NKIRAS2: variants seen among roughly 807,000 people sequenced by gnomAD.
NKIRAS2 encodes the protein NF-kappa-B inhibitor-interacting Ras-like protein 2.
Under a neutral mutation model 20.7 loss-of-function variants are expected in NKIRAS2, and 15 were observed. That is an observed-to-expected ratio of 0.73 (90% CI 0.49 to 1.12). The LOEUF (loss-of-function observed/expected upper bound fraction) is 1.12, where lower values mean the gene tolerates loss of function less well. Among genes scored for constraint, NKIRAS2 ranks in the 50% most tolerant of loss-of-function variants. NKIRAS2 has a pLI of 0.00. For synonymous variants in NKIRAS2, 116 were observed against 101.4 expected (o/e 1.14, Z -0.87); for missense variants, 196 against 249.6 (o/e 0.79, Z 1.45).
chr17:42,022,357 ATCTC>A, intron 2 of NKIRAS2, 38 bp from the exon 3 acceptor site: 1 of 1,535,890 alleles, frequency 6.5e-7, no homozygotes, highest in African/African-American at 1.4e-5. Flanking sequence ...CACATTTCCC[ATCTC>A]TCTCTCCACT....
In NKIRAS2 at chr17:42,021,540, C is replaced by T. The variant is rs375530584; in HGVS notation, c.-14-24C>T. On this transcript the variant is annotated intron_variant, in intron 1 of 3. Coordinates refer to ENST00000393885, the MANE Select transcript of NKIRAS2 (RefSeq NM_017595.6). The stretch of plus-strand genomic sequence containing the variant: ...GTTGATGCTTTCTTTCCTCACCTTA[C>T]CCAGCGTGCTTCTGTTCTTCAAGGT... 5.0e-6 allele frequency: 8 copies of T among 1,587,856 alleles called. No individual in the cohort carries two copies. In the African/African-American group the frequency reaches 1.1e-4, roughly 21 times the overall value.
chr17:42,019,929 G>C (rs1297606247), upstream of NKIRAS2: 1 of 152,304 alleles, frequency 6.6e-6, no homozygotes, highest in Non-Finnish European at 1.5e-5. Context: ...CGCGTCCAGG[G>C]AGTCTAGAAC....
chr17:42,023,286 A>C, intron 3 of NKIRAS2: 1 of 270,468 alleles, frequency 3.7e-6, no homozygotes, highest in Admixed American at 5.0e-5. Flanking sequence ...GGCGTAAGCC[A>C]CTGCATCTGG....
upstream of NKIRAS2, among the ~76,000 whole-genome samples, chr17:42,019,677 C>T (rs377412646): frequency 6.6e-6 from 1 of 152,302 alleles, no homozygotes; most frequent in East Asian, 1.9e-4. Flanking sequence ...TTTTGCTGTG[C>T]TCCACAGCAC....
rs2052479762 is a variant in NKIRAS2, at chr17:42,022,488, A to AC, written c.187dup (p.Arg63ProfsTer18). 6.2e-7 allele frequency: 1 copy of AC among 1,613,608 alleles called. No individual in the cohort carries two copies. The highest frequency in any genetic ancestry group is 1.7e-5 in the Admixed American group (1 of 59,952). On this transcript the variant is annotated frameshift_variant, in exon 3 of 4. Coordinates refer to ENST00000393885, the MANE Select transcript of NKIRAS2 (RefSeq NM_017595.6). LOFTEE classifies it high-confidence loss of function. ...GCGAGAGCAGGTGCGTTTCTATGACACCCGGGGGCTCCGAGATGGGGCCGA... is the reference window on the plus strand; with the variant it reads ...GCGAGAGCAGGTGCGTTTCTATGACACCCCGGGGGCTCCGAGATGGGGCCGA...
upstream of NKIRAS2, chr17:42,017,667 G>C (rs1598163648): frequency 1.7e-6 from 1 of 583,920 alleles, no homozygotes; most frequent in Non-Finnish European, 3.0e-6. Context: ...TGGGAAGGCG[G>C]GGTGTACCGG....
rs1426787124 is a variant in NKIRAS2, at chr17:42,024,844, G to A, written c.*951G>A. On this transcript the variant is annotated 3_prime_UTR_variant, in exon 4 of 4. Transcript: ENST00000393885. ...TCCTCTTCCTGCTCAGGGAGCAGAT[G>A]GGCCTCACTGGTTGAGATGGAATAG... The A allele has an allele frequency of 6.6e-6, 1 of 152,296 alleles. No homozygotes were observed. The highest frequency in any genetic ancestry group is 2.4e-5 in the African/African-American group (1 of 41,382). 9.4% of individuals were successfully genotyped at this position (152,296 alleles called of 1,614,324 possible).
Position 42,022,486 on chromosome 17 carries a change from A to G in NKIRAS2, c.182A>G (p.Asp61Gly). 6.2e-7 allele frequency: 1 copy of G among 1,613,710 alleles called. No individual in the cohort carries two copies. The highest frequency in any genetic ancestry group is 8.5e-7 in the Non-Finnish European group (1 of 1,179,714). Reference protein sequence around the residue: ...RGVREQVRFYDTRGLRDGAEL... With the variant: ...RGVREQVRFYGTRGLRDGAEL... ...GTGCGAGAGCAGGTGCGTTTCTATG[A>G]CACCCGGGGGCTCCGAGATGGGGCC... The change falls in exon 3 of 4, where the codon GAC (aspartate) becomes GGC (glycine). Residue 61 changes from aspartate (D) to glycine (G), a missense_variant. Asp to Gly is a moderately conservative substitution (Grantham distance 94). Transcript: ENST00000393885.
Position 42,025,275 on chromosome 17 carries a change from G to C in NKIRAS2, c.*1382G>C, listed in dbSNP as rs1215262694. On this transcript the variant is annotated 3_prime_UTR_variant, in exon 4 of 4. Coordinates refer to ENST00000393885, the MANE Select transcript of NKIRAS2 (RefSeq NM_017595.6). ...CGCTCTCATGGTGAAGGCTGGACAA[G>C]GTGCTCCTCTGGCCCCTCCTTCTTA... 3 of 152,694 alleles carry C rather than the reference G, an allele frequency of 2.0e-5. No individual in the cohort carries two copies. The highest frequency in any genetic ancestry group is 2.9e-5 in the Non-Finnish European group (2 of 68,092). The allele number at this position is 152,694 out of a possible 1,614,324, so 9.5% of individuals were successfully genotyped here.
intron 3 of NKIRAS2, 34 bp from the exon 4 acceptor site, chr17:42,023,620 A>T: frequency 6.3e-7 from 1 of 1,598,536 alleles, no homozygotes; most frequent in Non-Finnish European, 8.5e-7. Flanking sequence ...TCTATGGTAC[A>T]TTCACAGGCC....
rs368397492 is a variant in NKIRAS2 at position 42,023,823 on chromosome 17, C to T, written c.506C>T (p.Thr169Met). Residue 169 changes from threonine (T) to methionine (M), a missense_variant, in exon 4 of 4, where the codon ACG becomes ATG. Thr to Met is a moderately conservative substitution (Grantham distance 81, BLOSUM62 -1). Transcript: ENST00000393885. Reference protein sequence around the residue: ...EPFVYLASKMTQPQSKSAFPL... With the variant: ...EPFVYLASKMMQPQSKSAFPL... ...TTTGTCTACTTGGCCAGCAAGATGA[C>T]GCAACCCCAGAGCAAGTCTGCCTTC... is the stretch of plus-strand genomic sequence containing the variant. 6.8e-6 allele frequency: 11 copies of T among 1,614,006 alleles called. No individual in the cohort carries two copies. The highest frequency in any genetic ancestry group is 2.2e-5 in the East Asian group (1 of 44,892).
At chr17:42,017,602 G>C, upstream of NKIRAS2, 1 of 713,394 alleles carries the variant, frequency 1.4e-6, no homozygotes, top group Non-Finnish European at 2.3e-6. Context: ...CTCCGCGCCG[G>C]GGCGGGAGCC....
rs782372863 is a variant in NKIRAS2 at position 42,021,577 on chromosome 17, C to T, written c.-1C>T. The T allele has an allele frequency of 6.2e-7, 1 of 1,614,074 alleles. No homozygotes were observed. On this transcript the variant is annotated 5_prime_UTR_variant, in exon 2 of 4. Coordinates refer to ENST00000393885, the MANE Select transcript of NKIRAS2 (RefSeq NM_017595.6). ...CTGTTCTTCAAGGTTGAAAACTAAGCATGGGGAAGAGCTGCAAGGTGGTCG... is the reference window on the plus strand; with the variant it reads ...CTGTTCTTCAAGGTTGAAAACTAAGTATGGGGAAGAGCTGCAAGGTGGTCG...
upstream of NKIRAS2, among the ~76,000 whole-genome samples, chr17:42,019,068 C>A (rs965682343): frequency 6.6e-6 from 1 of 152,190 alleles, no homozygotes; most frequent in Non-Finnish European, 1.5e-5. Flanking sequence ...TTTCCCAAAT[C>A]TATCTCCACC....
chr17:42,017,588 T>A (rs2052341095), upstream of NKIRAS2: 2 of 796,908 alleles, frequency 2.5e-6, no homozygotes, highest in Admixed American at 2.9e-5. Flanking sequence ...ATGTCCACGG[T>A]GGTCTCCGCG....
chr17:42,022,423 A>C lies in NKIRAS2; in HGVS notation c.119A>C (p.Glu40Ala), dbSNP rs2052477359. The change falls in exon 3 of 4, where the codon GAG becomes GCG. Residue 40 changes from glutamate (E) to alanine (A), a missense_variant. Transcript: ENST00000393885. ...GGTTCGGAGATGATCGAGACGCAGG[A>C]GGACATCTACGTGGGCTCCATTGAG... ...VVGSEMIETQ[E>A]DIYVGSIETD... 6.3e-7 allele frequency: 1 copy of C among 1,593,414 alleles called. No individual in the cohort carries two copies. The highest frequency in any genetic ancestry group is 8.6e-7 in the Non-Finnish European group (1 of 1,164,460).
At chr17:42,021,434 C>T (rs2052446442) in intron 1 of NKIRAS2, 130 bp from the exon 2 acceptor site, 2 of 700,558 alleles carry the variant, frequency 2.9e-6, no homozygotes, top group Non-Finnish European at 5.1e-6. Flanking sequence ...TTAGAACTCT[C>T]AGTTATGGAC....
rs186679964 is a variant in NKIRAS2, at chr17:42,020,568, C to T, written c.-15+364C>T. On this transcript the variant is annotated intron_variant, in intron 1 of 3. Transcript: ENST00000393885. ...CTTAGGGTTTCTGTATCTGAGCTTTCTCTTTTGTGTCTGTCAGTCCAAGGG... is the reference window on the plus strand; with the variant it reads ...CTTAGGGTTTCTGTATCTGAGCTTTTTCTTTTGTGTCTGTCAGTCCAAGGG... 146 of 152,354 alleles carry T rather than the reference C, an allele frequency of 9.6e-4. 1 individual carries two copies. Among genetic ancestry groups the T allele is most frequent in the African/African-American group, 3.4e-3 (141 of 41,558 alleles). The allele number at this position is 152,354 out of a possible 1,614,324, so 9.4% of individuals were successfully genotyped here.
In NKIRAS2 at chr17:42,022,672, A is replaced by C. The variant is rs2052485460; in HGVS notation, c.336+32A>C. ...GGCATAGGCTTCTGGTGGGAGCCTC[A>C]GTGGTCAGAGAGTTTGGGCGGAGGG... is the stretch of plus-strand genomic sequence containing the variant. On this transcript the variant is annotated intron_variant, in intron 3 of 3. Coordinates refer to ENST00000393885, the MANE Select transcript of NKIRAS2 (RefSeq NM_017595.6). 2.5e-6 allele frequency: 4 copies of C among 1,593,578 alleles called. No individual in the cohort carries two copies. The East Asian group carries it at 9.0e-5, about 36-fold the overall frequency.
Sources: gnomAD v4.1 joint callset for allele counts (sites outside exome capture counted in the v4.1 genomes callset) on GRCh38, gnomAD v4.1.1 for gene constraint, MANE v1.5 for transcripts, NCBI Gene and HGNC (gene_info 2026-07-23, HGNC 2026-07-21) for gene names.